The following MARCHF11 variants were observed in gnomAD, a reference collection of about 807,000 sequenced individuals.
The protein encoded by MARCHF11 is membrane associated ring-CH-type finger 11.
Under a neutral mutation model 37.3 loss-of-function variants are expected in MARCHF11, and 29 were observed. That is an observed-to-expected ratio of 0.78 (90% CI 0.58 to 1.06). The LOEUF (loss-of-function observed/expected upper bound fraction) is 1.06. Ranked by LOEUF, MARCHF11 falls within the 50% of genes least tolerant of loss-of-function variation. MARCHF11 has a pLI of 0.00. For missense variants in MARCHF11, 482 were observed against 533.4 expected (o/e 0.90, Z 0.95); for synonymous variants, 233 against 228.0 (o/e 1.02, Z -0.20).
chr5:16,163,411 A>T (rs1317681713), intron 2 of MARCHF11, among the ~76,000 whole-genome samples: 3 of 152,096 alleles, frequency 2.0e-5, no homozygotes, highest in Non-Finnish European at 2.9e-5. Flanking sequence ...CATATTCACC[A>T]TGATTAGGGA....
intron 2 of MARCHF11, among the ~76,000 whole-genome samples, chr5:16,122,816 G>C (rs1014589510): frequency 2.6e-5 from 4 of 152,126 alleles, no homozygotes; most frequent in Admixed American, 6.6e-5. Context: ...AAAGGAGAGG[G>C]CCACAGAGAT....
At chr5:16,153,003 T>C (rs112930912) in intron 2 of MARCHF11, among the ~76,000 whole-genome samples, 5,086 of 152,070 alleles carry the variant, frequency 0.033, 300 homozygotes, top group African/African-American at 0.12. Context: ...CAATGTTCCA[T>C]GTATAGCAAG....
At chr5:16,136,710 C>T (rs1255386357) in intron 2 of MARCHF11, among the ~76,000 whole-genome samples, 1 of 151,886 alleles carries the variant, frequency 6.6e-6, no homozygotes, top group Non-Finnish European at 1.5e-5. Flanking sequence ...CAATGTAAAA[C>T]ATAAAATTTA....
intron 3 of MARCHF11, among the ~76,000 whole-genome samples, chr5:16,070,294 T>C (rs1488396081): frequency 6.6e-6 from 1 of 152,204 alleles, no homozygotes; most frequent in Non-Finnish European, 1.5e-5. Flanking sequence ...ACCTAATCTT[T>C]ACATTCAGCC....
intron 3 of MARCHF11, among the ~76,000 whole-genome samples, chr5:16,071,024 T>C (rs1011809269): frequency 7.9e-5 from 12 of 152,196 alleles, no homozygotes. Flanking sequence ...GTGACTACTA[T>C]GATCATTAAA....
intron 2 of MARCHF11, among the ~76,000 whole-genome samples, chr5:16,131,488 A>G (rs1359441054): frequency 6.6e-6 from 1 of 152,244 alleles, no homozygotes; most frequent in East Asian, 1.9e-4. Flanking sequence ...AAGGAAAGAA[A>G]AAATGCAATC....
At chr5:16,165,778 A>G (rs998722978) in intron 2 of MARCHF11, among the ~76,000 whole-genome samples, 1 of 152,090 alleles carries the variant, frequency 6.6e-6, no homozygotes, top group African/African-American at 2.4e-5. Flanking sequence ...TTGCCTGGCT[A>G]CATAGAATTT....
chr5:16,154,605 G>C (rs1560990634), intron 2 of MARCHF11, among the ~76,000 whole-genome samples: 1 of 150,532 alleles, frequency 6.6e-6, no homozygotes, highest in Non-Finnish European at 1.5e-5. Flanking sequence ...CAAAAAGGGA[G>C]GGGGGGGAGG....
At chr5:16,102,317 A>G (rs926354230) in intron 2 of MARCHF11, among the ~76,000 whole-genome samples, 1 of 152,186 alleles carries the variant, frequency 6.6e-6, no homozygotes, top group Non-Finnish European at 1.5e-5. Flanking sequence ...TACAGGAGGC[A>G]GGGAAATACT....
intron 2 of MARCHF11, among the ~76,000 whole-genome samples, chr5:16,102,136 TG>T (rs1450062909): frequency 6.6e-6 from 1 of 152,190 alleles, no homozygotes; most frequent in African/African-American, 2.4e-5. Flanking sequence ...CTTCCTTAAT[TG>T]GGGTTCTGAG....
chr5:16,091,236 A>T (rs7732521), intron 2 of MARCHF11, among the ~76,000 whole-genome samples, 155 bp from the exon 3 acceptor site: 44,871 of 152,140 alleles, frequency 0.29, 7,869 homozygotes, highest in East Asian at 0.57. Flanking sequence ...AGGCTATAAA[A>T]AATAGAGAAG....
chr5:16,121,905 A>G (rs1737314666), intron 2 of MARCHF11, among the ~76,000 whole-genome samples: 1 of 152,180 alleles, frequency 6.6e-6, no homozygotes, highest in South Asian at 2.1e-4. Context: ...CTTTTGAGCA[A>G]CCGCACTCTG....
At chr5:16,163,259 G>A (rs78346587) in intron 2 of MARCHF11, among the ~76,000 whole-genome samples, 2,752 of 151,996 alleles carry the variant, frequency 0.018, 97 homozygotes, top group African/African-American at 0.063. Flanking sequence ...GGTCTCAGGT[G>A]GTGGCGGAAG....
rs112805750 is a variant in MARCHF11 at position 16,092,683 on chromosome 5, T to G, written c.694-1602A>C. The stretch of plus-strand genomic sequence containing the variant: ...GGTTGATGGGTGCAGCAAACCACCA[T>G]GTATACCTATGTAACAATCCTGCAC... On this transcript the variant is annotated intron_variant, in intron 2 of 3. Coordinates refer to ENST00000332432, the MANE Select transcript of MARCHF11 (RefSeq NM_001102562.3). Among the ~76,000 whole-genome samples, 470 of 152,238 alleles carry G rather than the reference T, an allele frequency of 3.1e-3. 1 individual carries two copies. Among genetic ancestry groups the G allele is most frequent in the African/African-American group, 0.011 (457 of 41,528 alleles).
At chr5:16,079,244 A>G (rs1736567933) in intron 3 of MARCHF11, among the ~76,000 whole-genome samples, 1 of 152,024 alleles carries the variant, frequency 6.6e-6, no homozygotes, top group South Asian at 2.1e-4. Context: ...CTCCCATCCC[A>G]TTGTTGACAA....
rs1299871282 is a variant in MARCHF11, at chr5:16,067,537, C to A, written c.1143G>T (p.Arg381Ser). ...YVLLHLFNRM[R>S]PHEDLSEDNS... Reference sequence around the variant, plus strand: ...TATCTTCTGATAAGTCTTCATGGGGCCTCATCCGATTGAACAGGTGCAATA... The same window carrying A: ...TATCTTCTGATAAGTCTTCATGGGGACTCATCCGATTGAACAGGTGCAATA... Residue 381 changes from arginine (R) to serine (S), a missense_variant, in exon 4 of 4, where the codon AGG becomes AGT. Coordinates refer to ENST00000332432, the MANE Select transcript of MARCHF11 (RefSeq NM_001102562.3). 2 of 1,613,790 alleles carry A rather than the reference C, an allele frequency of 1.2e-6. No homozygotes were observed. The highest frequency in any genetic ancestry group is 2.7e-5 in the African/African-American group (2 of 74,898).
chr5:16,149,430 T>C (rs1737853863), intron 2 of MARCHF11, among the ~76,000 whole-genome samples: 1 of 152,138 alleles, frequency 6.6e-6, no homozygotes, highest in African/African-American at 2.4e-5. Context: ...AAAGCTCACT[T>C]ACATTGCTGG....
At chr5:16,104,700 G>GT (rs1461308201) in intron 2 of MARCHF11, among the ~76,000 whole-genome samples, 3 of 151,994 alleles carry the variant, frequency 2.0e-5, no homozygotes, top group South Asian at 2.1e-4. Flanking sequence ...AAAAGTTCAG[G>GT]TTTTTTTGTT....
chr5:16,109,936 G>C (rs989071409), intron 2 of MARCHF11, among the ~76,000 whole-genome samples: 11 of 152,218 alleles, frequency 7.2e-5, no homozygotes, highest in African/African-American at 2.7e-4. Flanking sequence ...CAGCATCACA[G>C]GAGGTAATTT....
Sources: allele counts gnomAD v4.1 joint callset (sites outside exome capture counted in the v4.1 genomes callset), GRCh38; gene constraint gnomAD v4.1.1; transcripts MANE v1.5; gene names NCBI Gene and HGNC (gene_info 2026-07-23, HGNC 2026-07-21).